Variants in PTPRD observed in about 807,000 individuals in gnomAD.
The protein encoded by PTPRD is protein tyrosine phosphatase receptor type D.
PTPRD carries 34 observed loss-of-function variants against 214.5 expected under a neutral mutation model. The observed-to-expected ratio is 0.16, with a 90% CI of 0.12 to 0.21. The LOEUF is 0.21. Among genes scored for constraint, PTPRD ranks in the 10% least tolerant of loss-of-function variants. PTPRD has a pLI of 1.00. For synonymous variants in PTPRD, 1,128 were observed against 845.7 expected (o/e 1.33, Z -5.79); for missense variants, 2,545 against 2,398.7 (o/e 1.06, Z -1.27).
chr9:8,728,798 G>A (rs536285157), intron 12 of PTPRD, among the ~76,000 whole-genome samples: 7 of 152,060 alleles, frequency 4.6e-5, no homozygotes, highest in African/African-American at 1.7e-4. Flanking sequence ...TGGCCAACAT[G>A]GTGAAACCCC....
At chr9:8,408,636 G>C (rs1294379333) in intron 35 of PTPRD, among the ~76,000 whole-genome samples, 1 of 152,068 alleles carries the variant, frequency 6.6e-6, no homozygotes, top group Non-Finnish European at 1.5e-5. Context: ...CGTATTTTTT[G>C]TGTCTCCAGC....
In PTPRD at chr9:9,954,156, T is replaced by C. The variant is rs372695352; in HGVS notation, c.-471-15546A>G. Among the ~76,000 whole-genome samples, 232 of 151,236 alleles carry C rather than the reference T, an allele frequency of 1.5e-3. 8 individuals carry two copies. In the South Asian group the frequency reaches 0.047, roughly 31 times the overall value. The stretch of plus-strand genomic sequence containing the variant: ...ACAAAAAATACAAAAATTAGCTGGG[T>C]GTGGTGGTGTGCACCTGTAATCCCA... On this transcript the variant is annotated intron_variant, in intron 4 of 45. Transcript: ENST00000381196.
intron 5 of PTPRD, among the ~76,000 whole-genome samples, chr9:9,806,920 G>C (rs2045637452): frequency 6.6e-6 from 1 of 152,040 alleles, no homozygotes; most frequent in African/African-American, 2.4e-5. Flanking sequence ...CCCAAGTGCT[G>C]GCAGGCCACT....
chr9:9,370,509 G>A (rs938034557), intron 9 of PTPRD, among the ~76,000 whole-genome samples: 265 of 151,522 alleles, frequency 1.7e-3, no homozygotes, highest in Non-Finnish European at 2.9e-3. Context: ...AGGAGATTTT[G>A]AGCTGAGATG....
intron 3 of PTPRD, among the ~76,000 whole-genome samples, chr9:10,324,453 C>G (rs984586332): frequency 6.6e-6 from 1 of 151,936 alleles, no homozygotes; most frequent in African/African-American, 2.4e-5. Context: ...AATTCAAAGA[C>G]AAGTTATATG....
intron 8 of PTPRD, among the ~76,000 whole-genome samples, chr9:9,513,973 A>G (rs1791057815): frequency 6.6e-6 from 1 of 152,088 alleles, no homozygotes; most frequent in Admixed American, 6.6e-5. Flanking sequence ...GTTTCAGGCC[A>G]GAAAGGCTGT....
chr9:8,999,680 C>A (rs1267665233), intron 11 of PTPRD, among the ~76,000 whole-genome samples: 1 of 151,926 alleles, frequency 6.6e-6, no homozygotes, highest in East Asian at 1.9e-4. Context: ...GATGTGTTAA[C>A]ATGGCTGGGA....
intron 11 of PTPRD, among the ~76,000 whole-genome samples, chr9:8,972,155 T>C (rs1234274975): frequency 6.6e-6 from 1 of 151,874 alleles, no homozygotes; most frequent in Non-Finnish European, 1.5e-5. Context: ...TATGCATCTA[T>C]GATATTATAC....
At chr9:9,001,271 T>TG (rs1374461146) in intron 11 of PTPRD, among the ~76,000 whole-genome samples, 1 of 152,028 alleles carries the variant, frequency 6.6e-6, no homozygotes, top group Non-Finnish European at 1.5e-5. Context: ...CCTTGGAGCC[T>TG]GGGGAAGGTT....
chr9:10,130,981 T>C (rs1202334186), intron 3 of PTPRD, among the ~76,000 whole-genome samples: 2 of 152,092 alleles, frequency 1.3e-5, no homozygotes, highest in Non-Finnish European at 2.9e-5. Flanking sequence ...AATAGATCCC[T>C]AAAGCTCTAT....
At chr9:8,486,604 G>A (rs1302560458) in intron 27 of PTPRD, 2 of 627,818 alleles carry the variant, frequency 3.2e-6, no homozygotes, top group East Asian at 3.0e-5. Context: ...CAGCTTAAGG[G>A]GATTTTTTTG....
intron 8 of PTPRD, among the ~76,000 whole-genome samples, chr9:9,571,751 A>G (rs1796608103): frequency 6.6e-6 from 1 of 151,040 alleles, no homozygotes; most frequent in Non-Finnish European, 1.5e-5. Flanking sequence ...AATACTACAT[A>G]TTGCTTATTT....
intron 11 of PTPRD, among the ~76,000 whole-genome samples, chr9:8,930,891 T>C (rs1406374690): frequency 1.3e-5 from 2 of 152,176 alleles, no homozygotes; most frequent in African/African-American, 2.4e-5. Flanking sequence ...ATTGCAAAAA[T>C]GTTCTCCCAT....
chr9:10,248,840 T>C (rs1435429468), intron 3 of PTPRD, among the ~76,000 whole-genome samples: 1 of 151,542 alleles, frequency 6.6e-6, no homozygotes, highest in Non-Finnish European at 1.5e-5. Flanking sequence ...ATATGACCCC[T>C]GTACATAAGC....
chr9:9,682,924 T>G (rs200059448), intron 7 of PTPRD, among the ~76,000 whole-genome samples: 103 of 151,852 alleles, frequency 6.8e-4, no homozygotes, highest in African/African-American at 2.4e-3. Context: ...TGATGGGGAA[T>G]GCCACTGGAA....
intron 3 of PTPRD, among the ~76,000 whole-genome samples, chr9:10,317,664 A>T (rs779450878): frequency 2.6e-5 from 4 of 152,024 alleles, no homozygotes; most frequent in Non-Finnish European, 4.4e-5. Flanking sequence ...AAGCAATCTT[A>T]ATTTTTAAAT....
chr9:9,341,201 G>C (rs762605698), intron 9 of PTPRD, among the ~76,000 whole-genome samples: 6 of 151,950 alleles, frequency 3.9e-5, no homozygotes, highest in African/African-American at 1.5e-4. Context: ...GGTGTTTCTG[G>C]TGTTTTTCCT....
intron 12 of PTPRD, among the ~76,000 whole-genome samples, chr9:8,725,747 A>G (rs1295194640): frequency 6.6e-6 from 1 of 152,168 alleles, no homozygotes; most frequent in Non-Finnish European, 1.5e-5. Context: ...CATTTTACAG[A>G]TGAGAGACAC....
chr9:10,176,017 G>C (rs1280571379), intron 3 of PTPRD, among the ~76,000 whole-genome samples: 2 of 151,904 alleles, frequency 1.3e-5, no homozygotes, highest in East Asian at 3.9e-4. Flanking sequence ...TTGTTCCTTT[G>C]AAATGCAATG....
Sources: allele counts gnomAD v4.1 joint callset (sites outside exome capture counted in the v4.1 genomes callset), GRCh38; gene constraint gnomAD v4.1.1; transcripts MANE v1.5; gene names NCBI Gene and HGNC (gene_info 2026-07-23, HGNC 2026-07-21).